Variants in ZNF443 observed in about 807,000 individuals in gnomAD.
ZNF443 encodes the protein Kruppel-type zinc finger (C2H2).
ZNF443 carries 3 observed loss-of-function variants against 12.0 expected under a neutral mutation model. The observed-to-expected ratio is 0.25, with a 90% confidence interval of 0.11 to 0.64. The LOEUF (loss-of-function observed/expected upper bound fraction) is 0.64. ZNF443 is among the 30% of genes least tolerant of loss of function. The probability of loss-of-function intolerance (pLI) is 0.84; values close to 1 mark genes in which losing one functional copy is unlikely to be tolerated. For missense variants in ZNF443, 770 were observed against 808.8 expected (o/e 0.95, Z 0.58); for synonymous variants, 225 against 265.9 (o/e 0.85, Z 1.50).
intron 1 of ZNF443, among the ~76,000 whole-genome samples, chr19:12,438,536 T>G (rs981344942): frequency 2.0e-5 from 3 of 152,220 alleles, no homozygotes; most frequent in Non-Finnish European, 4.4e-5. Context: ...GGAGAAGAAC[T>G]GAACTTTTGT....
intron 1 of ZNF443, among the ~76,000 whole-genome samples, chr19:12,434,210 T>C (rs1435505713): frequency 6.6e-6 from 1 of 152,238 alleles, no homozygotes; most frequent in Non-Finnish European, 1.5e-5. Flanking sequence ...AGAAACACTC[T>C]GGGCATTGGG....
At chr19:12,439,172 A>C (rs538280501) in intron 1 of ZNF443, among the ~76,000 whole-genome samples, 1 of 152,300 alleles carries the variant, frequency 6.6e-6, no homozygotes, top group Admixed American at 6.5e-5. Flanking sequence ...TCCAGTCCTT[A>C]GATATAACTT....
rs1378613648 is a variant in ZNF443 at position 12,440,932 on chromosome 19, G to T, written c.-18C>A. The T allele has an allele frequency of 1.2e-6, 2 of 1,613,974 alleles. No individual in the cohort carries two copies. The highest frequency in any genetic ancestry group is 2.7e-5 in the African/African-American group (2 of 74,940). On this transcript the variant is annotated 5_prime_UTR_variant, in exon 1 of 4. Coordinates refer to ENST00000301547, the MANE Select transcript of ZNF443 (RefSeq NM_005815.5). The stretch of plus-strand genomic sequence containing the variant: ...CGCACCATTTCCCGACTTCCGCGGT[G>T]TCCCAGGTCCTACCGACAGCTCCCG...
At chr19:12,438,565 T>C (rs1970336304) in intron 1 of ZNF443, among the ~76,000 whole-genome samples, 2 of 147,262 alleles carry the variant, frequency 1.4e-5, no homozygotes, top group Non-Finnish European at 3.0e-5. Context: ...TTTAATTCAA[T>C]GTACCTATTA....
In ZNF443 at chr19:12,431,705, A is replaced by C. The variant is rs759162477; in HGVS notation, c.467T>G (p.Phe156Cys). ...RGKAFSYHNS[F>C]QTHERLHTGK... ...AGTGTGAAGCCTCTCATGTGTTTGA[A>C]ATGAGTTGTGGTAACTGAAGGCTTT... The change falls in exon 4 of 4, where the codon TTT becomes TGT. Residue 156 changes from phenylalanine (F) to cysteine (C), a missense_variant. Phe to Cys is a radical substitution (Grantham distance 205, BLOSUM62 -2). Around this residue, in one of 3 missense-constraint regions of ZNF443, gnomAD observed 736 missense variants for 689.4 expected, o/e 1.07. Transcript: ENST00000301547. 3.7e-6 allele frequency: 6 copies of C among 1,614,116 alleles called. No homozygotes were observed. The highest frequency in any genetic ancestry group is 5.1e-6 in the Non-Finnish European group (6 of 1,180,010).
rs755055607 is a variant in ZNF443, at chr19:12,430,675, AGT to A, written c.1495_1496del (p.Thr499TrpfsTer6). On this transcript the variant is annotated frameshift_variant, in exon 4 of 4. Transcript: ENST00000301547. LOFTEE classifies it low-confidence loss of function (END_TRUNC). ...CSFQNHKTTH[T>X]GEKPYECKEC... ...CCTTACACTCATATGGCTTCTCTCC[AGT>A]GTGAGTTGTTTTGTGATTTTGAAAG... 8.7e-6 allele frequency: 14 copies of A among 1,614,012 alleles called. No individual in the cohort carries two copies. Among genetic ancestry groups the A allele is most frequent in the African/African-American group, 1.3e-5 (1 of 74,936 alleles).
At chr19:12,440,225 G>A (rs1228589362) in intron 1 of ZNF443, among the ~76,000 whole-genome samples, 6 of 101,030 alleles carry the variant, frequency 5.9e-5, no homozygotes, top group African/African-American at 2.1e-4. Flanking sequence ...TATTAAACAG[G>A]TGCCCTCAGC....
chr19:12,440,593 C>A (rs1249927842), intron 1 of ZNF443, among the ~76,000 whole-genome samples: 4 of 151,684 alleles, frequency 2.6e-5, no homozygotes, highest in Admixed American at 6.6e-5. Flanking sequence ...CAGCCCTCGG[C>A]GTCTCGGTGC....
At chr19:12,433,881 G>A (rs1401333110) in intron 1 of ZNF443, among the ~76,000 whole-genome samples, 1 of 151,994 alleles carries the variant, frequency 6.6e-6, no homozygotes, top group East Asian at 1.9e-4. Context: ...GCTTTAAGAG[G>A]TGATTTAGTT....
chr19:12,434,002 C>T (rs1420956012), intron 1 of ZNF443, among the ~76,000 whole-genome samples: 2 of 152,278 alleles, frequency 1.3e-5, no homozygotes, highest in African/African-American at 2.4e-5. Flanking sequence ...CACTCAGCTC[C>T]CTCACCATGT....
At chr19:12,440,873 C>T (rs1162404911) in intron 1 of ZNF443, 39 bp downstream of exon 1, 3 of 1,613,754 alleles carry the variant, frequency 1.9e-6, no homozygotes, top group African/African-American at 2.7e-5. Context: ...TTCCACCTAA[C>T]CCCTCCCCCG....
At chr19:12,440,829 A>C in intron 1 of ZNF443, 83 bp downstream of exon 1, 2 of 1,609,308 alleles carry the variant, frequency 1.2e-6, no homozygotes, top group Non-Finnish European at 1.7e-6. Flanking sequence ...GCCCTTGGGG[A>C]GGCCCGGGTC....
At position 12,430,807 on chromosome 19, in the gene ZNF443, G is replaced by A. The variant is rs1280778322; in HGVS notation, c.1365C>T (p.Gly455=). ...AEKPYKCKQC[G]KAYRISSSLR... is the part of the protein sequence containing the mutation. ...GGGAACTGGAAATACGGTAGGCTTT[G>A]CCACATTGTTTACATTTATAGGGTT... The change falls in exon 4 of 4, where the codon GGC becomes GGT. Residue 455 remains glycine, a synonymous_variant. Coordinates refer to ENST00000301547, the MANE Select transcript of ZNF443 (RefSeq NM_005815.5). 2 of 1,613,900 alleles carry A rather than the reference G, an allele frequency of 1.2e-6. No individual in the cohort carries two copies. The highest frequency in any genetic ancestry group is 2.7e-5 in the African/African-American group (2 of 74,882).
chr19:12,435,314 T>C (rs1599621954), intron 1 of ZNF443, among the ~76,000 whole-genome samples: 5 of 152,080 alleles, frequency 3.3e-5, no homozygotes, highest in African/African-American at 1.2e-4. Context: ...TATAACACGA[T>C]CAGGGTCCAA....
At chr19:12,436,705 T>C (rs11878766) in intron 1 of ZNF443, among the ~76,000 whole-genome samples, 49,882 of 151,308 alleles carry the variant, frequency 0.33, 8,676 homozygotes, top group South Asian at 0.47. Context: ...TTAAAAGAAG[T>C]TCATCAGAGA....
intron 1 of ZNF443, among the ~76,000 whole-genome samples, chr19:12,437,531 A>G (rs1254911890): frequency 6.6e-6 from 1 of 152,024 alleles, no homozygotes; most frequent in Non-Finnish European, 1.5e-5. Flanking sequence ...GGAAGTTGAA[A>G]AAAACCGACA....
rs749971966 is a variant in ZNF443, at chr19:12,431,445, G to T, written c.727C>A (p.His243Asn). Residue 243 changes from histidine (H) to asparagine (N), a missense_variant, in exon 4 of 4, where the codon CAT becomes AAT. By Grantham distance (68) the His-to-Asn change is moderately conservative. Coordinates refer to ENST00000301547, the MANE Select transcript of ZNF443 (RefSeq NM_005815.5). ...TTCTCCCCAGTATGTGTTCTTTCATGTCTTAGATAGGAACTGTAAAAAGAA... is the reference window on the plus strand; with the variant it reads ...TTCTCCCCAGTATGTGTTCTTTCATTTCTTAGATAGGAACTGTAAAAAGAA... The part of the protein sequence containing the change: ...AFSFYSSYLR[H>N]ERTHTGEKPY... The T allele has an allele frequency of 6.2e-7, 1 of 1,613,978 alleles. No individual in the cohort carries two copies. Among genetic ancestry groups the T allele is most frequent in the African/African-American group, 1.3e-5 (1 of 74,924 alleles).
intron 1 of ZNF443, among the ~76,000 whole-genome samples, chr19:12,436,741 T>C (rs1381603900): frequency 7.4e-6 from 1 of 134,390 alleles, no homozygotes; most frequent in East Asian, 2.0e-4. Flanking sequence ...AGGTTAGAAA[T>C]TCAGATCATA....
intron 3 of ZNF443, 133 bp downstream of exon 3, chr19:12,432,244 A>G: frequency 1.0e-5 from 8 of 801,376 alleles, no homozygotes; most frequent in Non-Finnish European, 1.2e-5. Flanking sequence ...TTAAGTATAT[A>G]TTTTGGAGAA....
Sources: allele counts gnomAD v4.1 joint callset (sites outside exome capture counted in the v4.1 genomes callset), GRCh38; gene constraint gnomAD v4.1.1; regional missense constraint gnomAD v4.1.1; transcripts MANE v1.5; gene names NCBI Gene and HGNC (gene_info 2026-07-23, HGNC 2026-07-21).